PCDH15: variants seen among roughly 807,000 people sequenced by gnomAD.
The protein encoded by PCDH15 is protocadherin related 15.
A neutral mutation model predicts 178.5 loss-of-function variants in PCDH15; 129 were observed. The observed-to-expected ratio is 0.72, with a 90% CI of 0.63 to 0.84. The LOEUF (loss-of-function observed/expected upper bound fraction) is 0.84. Among genes scored for constraint, PCDH15 ranks in the 40% least tolerant of loss-of-function variants. The pLI, the probability that PCDH15 is intolerant of heterozygous loss-of-function variation, is 0.00. For missense variants in PCDH15, 2,230 were observed against 2,099.9 expected (o/e 1.06, Z -1.21); for synonymous variants, 800 against 732.0 (o/e 1.09, Z -1.50).
chr10:54,146,111 T>C (rs2043880019), intron 14 of PCDH15, among the ~76,000 whole-genome samples: 1 of 151,516 alleles, frequency 6.6e-6, no homozygotes, highest in South Asian at 2.1e-4. Context: ...ACAATTTTTA[T>C]AAAAATAAAT....
intron 1 of PCDH15, among the ~76,000 whole-genome samples, chr10:55,241,254 T>C (rs1841535282): frequency 6.6e-6 from 1 of 152,060 alleles, no homozygotes; most frequent in Admixed American, 6.6e-5. Flanking sequence ...AATATGGCTC[T>C]TCAGCAAAAA....
At chr10:53,870,442 T>A (rs1004311010) in intron 26 of PCDH15, among the ~76,000 whole-genome samples, 12 of 152,190 alleles carry the variant, frequency 7.9e-5, no homozygotes, top group Admixed American at 3.9e-4. Context: ...TGTTATACAG[T>A]AAGGACTCTA....
intron 3 of PCDH15, among the ~76,000 whole-genome samples, chr10:54,419,772 A>C (rs1286979287): frequency 6.6e-6 from 1 of 152,128 alleles, no homozygotes; most frequent in Non-Finnish European, 1.5e-5. Context: ...ATAATCAGTA[A>C]AATGGCAATT....
chr10:54,060,364 C>T (rs2135716), intron 18 of PCDH15, among the ~76,000 whole-genome samples: 91,200 of 151,948 alleles, frequency 0.6, 27,518 homozygotes, highest in Middle Eastern at 0.75. Context: ...GTGCAACTAC[C>T]GTATTTCGAA....
At chr10:55,085,543 C>T (rs1291354000) in intron 2 of PCDH15, among the ~76,000 whole-genome samples, 1 of 151,856 alleles carries the variant, frequency 6.6e-6, no homozygotes, top group Non-Finnish European at 1.5e-5. Flanking sequence ...ATAGACACCT[C>T]ATTTACCCTG....
chr10:55,192,615 A>G (rs1839973132), intron 1 of PCDH15, among the ~76,000 whole-genome samples: 1 of 151,742 alleles, frequency 6.6e-6, no homozygotes, highest in Non-Finnish European at 1.5e-5. Context: ...ATTAATCTTG[A>G]TATTGGCAAT....
chr10:53,941,088 C>T, intron 23 of PCDH15, 113 bp from the exon 24 acceptor site: 14 of 728,182 alleles, frequency 1.9e-5, no homozygotes, highest in Non-Finnish European at 2.4e-5. Flanking sequence ...ACCCTCTGCC[C>T]TCACACATTC....
At chr10:53,958,429 T>C (rs12256691) in intron 23 of PCDH15, among the ~76,000 whole-genome samples, 1,620 of 152,326 alleles carry the variant, frequency 0.011, 27 homozygotes, top group African/African-American at 0.034. Flanking sequence ...CATGTTCAAA[T>C]ATAGTTAAGT....
chr10:54,316,287 A>T (rs11004223), intron 8 of PCDH15, among the ~76,000 whole-genome samples: 70,490 of 151,668 alleles, frequency 0.46, 17,729 homozygotes, highest in Middle Eastern at 0.6. Context: ...TTGGATAAGC[A>T]CTCTGGCTTT....
At chr10:53,821,291 A>G in intron 32 of PCDH15, 1 of 985,610 alleles carries the variant, frequency 1.0e-6, no homozygotes, top group Non-Finnish European at 1.2e-6. Context: ...ACAGATGACT[A>G]CATGTTATAG....
intron 1 of PCDH15, among the ~76,000 whole-genome samples, chr10:54,701,845 C>A (rs1179120386): frequency 6.6e-6 from 1 of 152,060 alleles, no homozygotes; most frequent in African/African-American, 2.4e-5. Flanking sequence ...GATAACCACA[C>A]ACCAGTAGTG....
chr10:55,473,176 G>C (rs1218242045), intron 2 of PCDH15, among the ~76,000 whole-genome samples: 1 of 152,106 alleles, frequency 6.6e-6, no homozygotes, highest in East Asian at 1.9e-4. Context: ...AATAAACTCT[G>C]TGTTAATTCA....
intron 1 of PCDH15, among the ~76,000 whole-genome samples, chr10:55,218,119 C>A (rs1418300072): frequency 6.6e-6 from 1 of 151,878 alleles, no homozygotes. Flanking sequence ...CTCACAATAA[C>A]CTTTTAAAAT....
chr10:54,870,914 T>C (rs1954027414), intron 3 of PCDH15, among the ~76,000 whole-genome samples: 1 of 152,172 alleles, frequency 6.6e-6, no homozygotes, highest in Non-Finnish European at 1.5e-5. Flanking sequence ...CCTCAAACTG[T>C]TATCTACGTA....
intron 28 of PCDH15, among the ~76,000 whole-genome samples, chr10:53,847,340 A>G (rs903465648): frequency 6.6e-6 from 1 of 152,054 alleles, no homozygotes; most frequent in Non-Finnish European, 1.5e-5. Flanking sequence ...GTGCTTATCA[A>G]TATTTTTACA....
At chr10:53,831,676 G>A (rs1177946521) in intron 29 of PCDH15, 143 bp from the exon 30 acceptor site, 5 of 643,842 alleles carry the variant, frequency 7.8e-6, no homozygotes, top group African/African-American at 3.7e-5. Context: ...AATAAGAAAA[G>A]CATATATAAA....
chr10:54,162,536 T>A (rs931131475), intron 13 of PCDH15, among the ~76,000 whole-genome samples: 1 of 152,208 alleles, frequency 6.6e-6, no homozygotes, highest in Non-Finnish European at 1.5e-5. Context: ...GATACCTTCA[T>A]ATTTTCCTCT....
rs561918605 is a variant in PCDH15 at position 54,447,415 on chromosome 10, T to C, written c.158-68473A>G. 2.8e-3 allele frequency among the ~76,000 whole-genome samples: 431 copies of C among 151,828 alleles called. 2 individuals are homozygous for C. The highest frequency in any genetic ancestry group is 0.012 in the South Asian group (58 of 4,826). On this transcript the variant is annotated intron_variant, in intron 3 of 37. Coordinates refer to ENST00000644397, the MANE Select transcript of PCDH15 (RefSeq NM_001384140.1). The stretch of plus-strand genomic sequence containing the variant: ...TCCCCCATGCCCTAGCTTCTGATGA[T>C]GACCAATTAACTCTCTGTTTCTATG...
chr10:54,878,653 G>A (rs1219169322), intron 3 of PCDH15, among the ~76,000 whole-genome samples: 1 of 152,098 alleles, frequency 6.6e-6, no homozygotes, highest in Admixed American at 6.6e-5. Flanking sequence ...ATGAAATTAT[G>A]TATTTATTTA....
Sources: allele counts gnomAD v4.1 joint callset (sites outside exome capture counted in the v4.1 genomes callset), GRCh38; gene constraint gnomAD v4.1.1; transcripts MANE v1.5; gene names NCBI Gene and HGNC (gene_info 2026-07-23, HGNC 2026-07-21).